ARHGAP17: variants seen among roughly 807,000 people sequenced by gnomAD.
The protein encoded by ARHGAP17 is rho GTPase-activating protein 17.
ARHGAP17 carries 57 observed loss-of-function variants against 99.5 expected under a neutral mutation model. That is an observed-to-expected ratio of 0.57 (90% CI 0.46 to 0.71). The LOEUF (loss-of-function observed/expected upper bound fraction) is 0.71, where lower values mean the gene tolerates loss of function less well. ARHGAP17 is among the 30% of genes least tolerant of loss of function. The pLI is 0.00. For missense variants in ARHGAP17, 1,000 were observed against 1,122.4 expected (o/e 0.89, Z 1.56); for synonymous variants, 417 against 429.6 (o/e 0.97, Z 0.36).
chr16:25,003,064 G>A lies in ARHGAP17; in HGVS notation c.53+12145C>T, dbSNP rs2019067603. 2.1e-5 allele frequency among the ~76,000 whole-genome samples: 3 copies of A among 140,180 alleles called. No individual in the cohort carries two copies. The South Asian group carries it at 6.7e-4, about 31-fold the overall frequency. The allele number at this position is 140,180 out of a possible 152,430, so 92.0% of individuals were successfully genotyped here. On this transcript the variant is annotated intron_variant, in intron 1 of 19. Transcript: ENST00000289968. ...AAAAAAAAAAAAAAAAAAAAAAGAGGCTCTAACAGGAGATATACAAGTAAA... is the reference window on the plus strand; with the variant it reads ...AAAAAAAAAAAAAAAAAAAAAAGAGACTCTAACAGGAGATATACAAGTAAA...
At chr16:24,949,135 C>T (rs2051557498) in intron 13 of ARHGAP17, 4 of 308,920 alleles carry the variant, frequency 1.3e-5, no homozygotes, top group Non-Finnish European at 2.4e-5. Flanking sequence ...TCAAACTTTT[C>T]ACAAGAAATT....
At chr16:24,968,833 G>C in intron 4 of ARHGAP17, 61 bp from the exon 5 acceptor site, 2 of 1,488,878 alleles carry the variant, frequency 1.3e-6, no homozygotes, top group Non-Finnish European at 1.9e-6. Flanking sequence ...CTGGATTATC[G>C]TGTGGATCAG....
At position 24,954,721 on chromosome 16, in the gene ARHGAP17, G is replaced by A. The variant is rs771333518; in HGVS notation, c.734C>T (p.Ala245Val). The change falls in exon 10 of 20, where the codon GCG becomes GTG. Residue 245 changes from alanine (A) to valine (V), a missense_variant. Ala to Val is a moderately conservative substitution (Grantham distance 64). This residue lies in a region of ARHGAP17 where 472 missense variants were observed against 611.1 expected (regional missense o/e 0.77). Coordinates refer to ENST00000289968, the MANE Select transcript of ARHGAP17 (RefSeq NM_001006634.3). ...PEMRAHQDKW[A>V]EKPAFGTPLE... is the part of the protein sequence containing the mutation. ...GGGAGTCCCAAAGGCTGGTTTTTCCGCCCACTTATCTAGAGCAGCAAATTG... is the reference window on the plus strand; with the variant it reads ...GGGAGTCCCAAAGGCTGGTTTTTCCACCCACTTATCTAGAGCAGCAAATTG... The A allele has an allele frequency of 1.7e-5, 27 of 1,613,498 alleles. No homozygotes were observed. In the South Asian group the frequency reaches 2.2e-4, roughly 13 times the overall value.
chr16:25,011,351 C>T (rs1278355433), intron 1 of ARHGAP17, among the ~76,000 whole-genome samples: 1 of 152,176 alleles, frequency 6.6e-6, no homozygotes, highest in Non-Finnish European at 1.5e-5. Flanking sequence ...GATGAGTATT[C>T]TTTCCCTCTG....
intron 7 of ARHGAP17, among the ~76,000 whole-genome samples, chr16:24,961,942 TGCCGGAAA>T (rs2052019401): frequency 7.1e-6 from 1 of 140,200 alleles, no homozygotes; most frequent in Non-Finnish European, 1.5e-5. Flanking sequence ...AAAACTTATA[TGCCGGAAA>T]ATATATATGT....
intron 16 of ARHGAP17, chr16:24,941,778 G>A: frequency 1.6e-6 from 1 of 625,228 alleles, no homozygotes; most frequent in Non-Finnish European, 2.7e-6. Context: ...ACACGTGGAA[G>A]AAACGTTAAC....
chr16:24,958,031 T>C (rs1455638219), intron 9 of ARHGAP17, among the ~76,000 whole-genome samples: 2 of 151,606 alleles, frequency 1.3e-5, no homozygotes, highest in Non-Finnish European at 2.9e-5. Context: ...GTGGGAGGGG[T>C]TGAATTGCAA....
intron 7 of ARHGAP17, among the ~76,000 whole-genome samples, chr16:24,961,910 T>TA (rs1414814173): frequency 1.7e-5 from 2 of 117,338 alleles, no homozygotes; most frequent in African/African-American, 7.7e-5. Context: ...ACATAGGAAT[T>TA]TTATATATAT....
Position 24,935,450 on chromosome 16 carries a change from G to A in ARHGAP17, c.1894+20C>T. 6.4e-7 allele frequency: 1 copy of A among 1,567,322 alleles called. No individual in the cohort carries two copies. Among genetic ancestry groups the A allele is most frequent in the Non-Finnish European group, 8.7e-7 (1 of 1,155,624 alleles). On this transcript the variant is annotated intron_variant, in intron 18 of 19. Coordinates refer to ENST00000289968, the MANE Select transcript of ARHGAP17 (RefSeq NM_001006634.3). ...TCTGCACAGGCTTCCCTGAGGGCAA[G>A]GAGGACGGTGGCTGCTTACCTCGGC...
At chr16:24,978,703 G>A (rs1401956759) in intron 2 of ARHGAP17, among the ~76,000 whole-genome samples, 1 of 152,094 alleles carries the variant, frequency 6.6e-6, no homozygotes, top group Admixed American at 6.5e-5. Flanking sequence ...AAACTGAGGC[G>A]CAGGGAAGTT....
chr16:24,968,899 A>G, intron 4 of ARHGAP17, 127 bp from the exon 5 acceptor site: 1 of 768,350 alleles, frequency 1.3e-6, no homozygotes, highest in South Asian at 1.7e-5. Flanking sequence ...AGCCTTGAAA[A>G]TATTATAAAT....
chr16:24,926,847 C>T (rs1287536578), intron 19 of ARHGAP17, among the ~76,000 whole-genome samples: 1 of 152,156 alleles, frequency 6.6e-6, no homozygotes, highest in Non-Finnish European at 1.5e-5. Context: ...AATATGGATA[C>T]CTGGGTTCCA....
At chr16:24,960,119 A>C (rs2051940215) in intron 7 of ARHGAP17, 140 bp from the exon 8 acceptor site, 2 of 727,610 alleles carry the variant, frequency 2.7e-6, no homozygotes, top group Non-Finnish European at 4.7e-6. Flanking sequence ...TGCCTGGTAC[A>C]ACCATACAGA....
chr16:24,950,836 C>CAAAAAAAAAAAAAAAAAAAAAAA (rs1177614713), intron 12 of ARHGAP17, among the ~76,000 whole-genome samples: 45 of 39,406 alleles, frequency 1.1e-3, no homozygotes, highest in African/African-American at 3.7e-3. Context: ...GACTCCAACT[C>CAAAAAAAAAAAAAAAAAAAAAAA]AAAAAAAAAA....
intron 1 of ARHGAP17, among the ~76,000 whole-genome samples, chr16:25,000,226 T>G (rs971129853): frequency 3.9e-5 from 6 of 152,198 alleles, no homozygotes; most frequent in Non-Finnish European, 8.8e-5. Flanking sequence ...AAGCCAATTC[T>G]TGAGGGAAAG....
At chr16:24,953,377 C>T (rs1200285453) in intron 10 of ARHGAP17, among the ~76,000 whole-genome samples, 1 of 152,172 alleles carries the variant, frequency 6.6e-6, no homozygotes, top group Non-Finnish European at 1.5e-5. Context: ...TGTGTCCCCA[C>T]CCAAATCTCA....
At chr16:25,012,720 T>G (rs2053673951) in intron 1 of ARHGAP17, among the ~76,000 whole-genome samples, 1 of 152,204 alleles carries the variant, frequency 6.6e-6, no homozygotes, top group Non-Finnish European at 1.5e-5. Context: ...GCAACAGGTT[T>G]CCCAGTTAAA....
intron 1 of ARHGAP17, among the ~76,000 whole-genome samples, chr16:24,981,921 T>C (rs2141373550): frequency 6.6e-6 from 1 of 152,272 alleles, no homozygotes; most frequent in African/African-American, 2.4e-5. Flanking sequence ...AACTGGACCC[T>C]CTGCTTTAGA....
chr16:24,953,742 T>C (rs2051716952), intron 10 of ARHGAP17, among the ~76,000 whole-genome samples: 1 of 152,172 alleles, frequency 6.6e-6, no homozygotes, highest in Non-Finnish European at 1.5e-5. Flanking sequence ...CGAATACACA[T>C]GGCCTCTACT....
Sources: allele counts gnomAD v4.1 joint callset (sites outside exome capture counted in the v4.1 genomes callset), GRCh38; gene constraint gnomAD v4.1.1; regional missense constraint gnomAD v4.1.1; transcripts MANE v1.5; gene names NCBI Gene and HGNC (gene_info 2026-07-23, HGNC 2026-07-21).